TRERF1: variants seen among roughly 807,000 people sequenced by gnomAD.
The protein encoded by TRERF1 is transcriptional-regulating factor 1.
A neutral mutation model predicts 122.9 loss-of-function variants in TRERF1; 27 were observed. The ratio of observed to expected loss-of-function variants is 0.22; its 90% CI spans 0.16 to 0.30. The LOEUF is 0.30. Among genes scored for constraint, TRERF1 ranks in the 10% least tolerant of loss-of-function variants. The probability of loss-of-function intolerance (pLI) is 1.00; values close to 1 mark genes in which losing one functional copy is unlikely to be tolerated. For synonymous variants in TRERF1, 636 were observed against 641.7 expected (o/e 0.99, Z 0.13); for missense variants, 1,248 against 1,560.3 (o/e 0.80, Z 3.37).
At chr6:42,277,824 A>AAAATAAAT (rs200299536) in intron 4 of TRERF1, among the ~76,000 whole-genome samples, 192 of 133,016 alleles carry the variant, frequency 1.4e-3, no homozygotes, top group African/African-American at 5.7e-3. Context: ...GCCCTATCTC[A>AAAATAAAT]AAATAAATAA....
intron 12 of TRERF1, among the ~76,000 whole-genome samples, chr6:42,256,130 TAAA>T (rs11376682): frequency 1.8e-5 from 2 of 112,622 alleles, no homozygotes; most frequent in Non-Finnish European, 1.8e-5. Context: ...GACTCCATCT[TAAA>T]AAAAAAAAAA....
At chr6:42,378,771 G>A (rs888899380) in intron 2 of TRERF1, among the ~76,000 whole-genome samples, 2 of 152,162 alleles carry the variant, frequency 1.3e-5, no homozygotes, top group Non-Finnish European at 2.9e-5. Flanking sequence ...CTAAACCTGG[G>A]AGCTTTCAGC....
intron 13 of TRERF1, among the ~76,000 whole-genome samples, chr6:42,254,630 ACCCAG>A (rs1416492080): frequency 6.6e-6 from 1 of 152,066 alleles, no homozygotes; most frequent in Non-Finnish European, 1.5e-5. Context: ...GTCCACTGTC[ACCCAG>A]GTCTTGGCAC....
At position 42,300,822 on chromosome 6, in the gene TRERF1, AG is replaced by A. The variant is rs201348168; in HGVS notation, c.-370-74del. Reference sequence around the variant, plus strand: ...TAGCTCTTCATCACCATCCTGCAGAAGACACTACCAGAAATCCCAGGGAAAT... The same window carrying A: ...TAGCTCTTCATCACCATCCTGCAGAAACACTACCAGAAATCCCAGGGAAAT... On this transcript the variant is annotated intron_variant, in intron 3 of 17. Transcript: ENST00000372922. 965 of 152,728 alleles carry A rather than the reference AG, an allele frequency of 6.3e-3. 22 individuals carry two copies. Among genetic ancestry groups the A allele is most frequent in the Admixed American group, 0.037 (573 of 15,300 alleles). The allele number at this position is 152,728 out of a possible 1,614,324, so 9.5% of individuals were successfully genotyped here.
intron 2 of TRERF1, among the ~76,000 whole-genome samples, chr6:42,374,363 A>T (rs1446178959): frequency 6.6e-6 from 1 of 151,988 alleles, no homozygotes; most frequent in Admixed American, 6.6e-5. Flanking sequence ...TCTTCACCAC[A>T]GTTTGACAGT....
chr6:42,338,681 T>C (rs948755627), intron 3 of TRERF1, among the ~76,000 whole-genome samples: 2 of 152,142 alleles, frequency 1.3e-5, no homozygotes, highest in African/African-American at 4.8e-5. Context: ...TCAGGATTTA[T>C]GACGGCTCTC....
intron 4 of TRERF1, among the ~76,000 whole-genome samples, chr6:42,282,492 G>A (rs934548219): frequency 6.6e-6 from 1 of 152,174 alleles, no homozygotes; most frequent in Non-Finnish European, 1.5e-5. Context: ...AGGCTGCAGT[G>A]AGCCATGATG....
rs1265408435 is a variant in TRERF1 at position 42,275,886 on chromosome 6, G to A, written c.-258-6038C>T. Reference sequence around the variant, plus strand: ...AACGCTGCCACGGTAGCGTGAAAGCGGCCACAGACCATATATAAATGAATG... The same window carrying A: ...AACGCTGCCACGGTAGCGTGAAAGCAGCCACAGACCATATATAAATGAATG... On this transcript the variant is annotated intron_variant, in intron 4 of 17. Coordinates refer to ENST00000372922, the Ensembl canonical transcript of TRERF1. The surrounding 1 kb of genome is among the most constrained non-coding windows in gnomAD (Gnocchi z 4.1). 2.6e-5 allele frequency among the ~76,000 whole-genome samples: 4 copies of A among 152,164 alleles called. No individual in the cohort carries two copies. Among genetic ancestry groups the A allele is most frequent in the African/African-American group, 4.8e-5 (2 of 41,424 alleles).
intron 13 of TRERF1, among the ~76,000 whole-genome samples, chr6:42,251,129 G>T (rs1004927806): frequency 6.6e-6 from 1 of 151,392 alleles, no homozygotes; most frequent in African/African-American, 2.4e-5. Flanking sequence ...CCAAGTAGCT[G>T]GGATTACAGG....
intron 4 of TRERF1, among the ~76,000 whole-genome samples, chr6:42,283,611 CTTTTTT>C (rs869206003): frequency 6.6e-4 from 71 of 107,992 alleles, no homozygotes; most frequent in Non-Finnish European, 1.1e-3. Context: ...ATGAAAAAAA[CTTTTTT>C]TTTTTTTTTT....
At chr6:42,234,535 G>T (rs529770671) in intron 16 of TRERF1, among the ~76,000 whole-genome samples, 1 of 152,138 alleles carries the variant, frequency 6.6e-6, no homozygotes, top group South Asian at 2.1e-4. Flanking sequence ...TAGAGACGGG[G>T]TTTCACCATG....
At chr6:42,253,059 T>A (rs1424442165) in intron 13 of TRERF1, among the ~76,000 whole-genome samples, 1 of 152,120 alleles carries the variant, frequency 6.6e-6, no homozygotes, top group Non-Finnish European at 1.5e-5. Context: ...AGAGATCAAT[T>A]AATTGTTGCA....
In TRERF1 at chr6:42,259,801, C is replaced by A; in HGVS notation, c.1885-78G>T. On this transcript the variant is annotated intron_variant, in intron 8 of 17. Transcript: ENST00000372922. The surrounding 1 kb of genome is among the most constrained non-coding windows in gnomAD (Gnocchi z 4.9). ...ATTTCCACAGGTTCAGGGAAGGGGG[C>A]CTTCTACTGTCTAAGCAGAGAGCCC... 2 of 1,578,736 alleles carry A rather than the reference C, an allele frequency of 1.3e-6. No individual in the cohort carries two copies. The highest frequency in any genetic ancestry group is 1.7e-5 in the Admixed American group (1 of 57,742).
At chr6:42,226,467 C>G (rs1769528555) in exon 18 of TRERF1, 1 of 152,252 alleles carries the variant, frequency 6.6e-6, no homozygotes, top group Non-Finnish European at 1.5e-5. Flanking sequence ...GCACACTGCC[C>G]AGGCAGTTCC....
chr6:42,243,622 C>T (rs2149596445), intron 14 of TRERF1, among the ~76,000 whole-genome samples: 1 of 151,810 alleles, frequency 6.6e-6, no homozygotes, highest in East Asian at 1.9e-4. Context: ...GCTCTGTCGC[C>T]CAGGCTGGAG....
At chr6:42,374,150 A>AAAAGAAGAAG (rs1554193489) in intron 2 of TRERF1, among the ~76,000 whole-genome samples, 1 of 143,960 alleles carries the variant, frequency 6.9e-6, no homozygotes, top group African/African-American at 2.6e-5. Flanking sequence ...AAAAAAAAAA[A>AAAAGAAGAAG]AAGAAGAAGA....
chr6:42,372,249 T>C (rs1223046898), intron 2 of TRERF1, among the ~76,000 whole-genome samples: 1 of 152,222 alleles, frequency 6.6e-6, no homozygotes, highest in Non-Finnish European at 1.5e-5. Flanking sequence ...CAGCTCTAGC[T>C]TCTGTTCTTC....
At position 42,429,320 on chromosome 6, in the gene TRERF1, C is replaced by G. The variant is rs550894341; in HGVS notation, c.-454+21857G>C. On this transcript the variant is annotated intron_variant, in intron 2 of 17. Transcript: ENST00000372922. ...TCTTCTCTGGCTGACAACAGACTTTCCCGTGGATGGACCCTGCGAGGTCTG... is the reference window on the plus strand; with the variant it reads ...TCTTCTCTGGCTGACAACAGACTTTGCCGTGGATGGACCCTGCGAGGTCTG... Among the ~76,000 whole-genome samples the G allele has an allele frequency of 2.6e-5, 4 of 152,288 alleles. No homozygotes were observed. The East Asian group carries it at 7.7e-4, about 29-fold the overall frequency.
intron 15 of TRERF1, among the ~76,000 whole-genome samples, chr6:42,236,921 C>A (rs896701247): frequency 2.0e-5 from 3 of 152,124 alleles, no homozygotes; most frequent in African/African-American, 7.2e-5. Context: ...ATTTGACCTG[C>A]GGTGTGCAGA....
Sources: gnomAD v4.1 joint callset for allele counts (sites outside exome capture counted in the v4.1 genomes callset) on GRCh38, gnomAD v4.1.1 for gene constraint, Gnocchi (gnomAD v3.1) non-coding constraint, MANE v1.5 for transcripts, NCBI Gene and HGNC (gene_info 2026-07-23, HGNC 2026-07-21) for gene names.